YME1L1: variants seen among roughly 807,000 people sequenced by gnomAD.
YME1L1 encodes ATP-dependent zinc metalloprotease YME1L1.
In YME1L1, 39 loss-of-function variants were observed where a neutral mutation model predicts 90.4. That is an observed-to-expected ratio of 0.43 (90% CI 0.33 to 0.56). The LOEUF (loss-of-function observed/expected upper bound fraction) is 0.56, where lower values mean the gene tolerates loss of function less well. Among genes scored for constraint, YME1L1 ranks in the 20% least tolerant of loss-of-function variants. The probability of loss-of-function intolerance (pLI) is 0.03; values close to 1 mark genes in which losing one functional copy is unlikely to be tolerated. For synonymous variants in YME1L1, 284 were observed against 287.3 expected (o/e 0.99, Z 0.12); for missense variants, 617 against 868.4 (o/e 0.71, Z 3.64).
intron 8 of YME1L1, 39 bp from the exon 9 acceptor site, chr10:27,126,825 G>T (rs773563530): frequency 8.2e-7 from 1 of 1,219,536 alleles, no homozygotes; most frequent in Non-Finnish European, 1.2e-6. Context: ...TTAGATAATG[G>T]ACACGTTTGG....
intron 14 of YME1L1, 64 bp downstream of exon 14, chr10:27,119,230 C>T: frequency 6.9e-7 from 1 of 1,454,444 alleles, no homozygotes; most frequent in Non-Finnish European, 9.2e-7. Flanking sequence ...AGAGTATTTG[C>T]CCCTAAATGA....
chr10:27,151,794 T>C (rs907719941), intron 1 of YME1L1, among the ~76,000 whole-genome samples: 2 of 151,096 alleles, frequency 1.3e-5, no homozygotes, highest in Non-Finnish European at 1.5e-5. Flanking sequence ...GGCAGGAGAA[T>C]GGCGTGAACC....
intron 3 of YME1L1, among the ~76,000 whole-genome samples, chr10:27,145,219 T>C (rs2057129988): frequency 6.6e-6 from 1 of 151,218 alleles, no homozygotes; most frequent in Non-Finnish European, 1.5e-5. Flanking sequence ...CCAAAATTAG[T>C]GGAAGCAAAA....
intron 12 of YME1L1, 74 bp from the exon 13 acceptor site, chr10:27,120,621 A>C: frequency 1.6e-6 from 2 of 1,234,136 alleles, no homozygotes; most frequent in Non-Finnish European, 2.3e-6. Context: ...TGACACCCTA[A>C]TGACGTGACT....
intron 9 of YME1L1, among the ~76,000 whole-genome samples, chr10:27,125,458 GAAA>G (rs68143135): frequency 8.4e-5 from 9 of 107,694 alleles, no homozygotes; most frequent in Non-Finnish European, 1.6e-4. Flanking sequence ...TGTTTCATTT[GAAA>G]AAAAAAAAAA....
chr10:27,152,279 A>G (rs1451945219), intron 1 of YME1L1, among the ~76,000 whole-genome samples: 1 of 152,206 alleles, frequency 6.6e-6, no homozygotes, highest in African/African-American at 2.4e-5. Flanking sequence ...CTTTCACAAA[A>G]GGATTTAGAG....
At chr10:27,127,296 GTAA>G (rs2056930323) in intron 8 of YME1L1, among the ~76,000 whole-genome samples, 2 of 152,170 alleles carry the variant, frequency 1.3e-5, no homozygotes, top group African/African-American at 4.8e-5. Flanking sequence ...AATTAAAAAT[GTAA>G]TAATGTTTTA....
rs928154655 is a variant in YME1L1 at position 27,110,286 on chromosome 10, C to T, written c.*1691G>A. ...GGCAGAATGATAACAACTGGTAAAT[C>T]TGGATGCAGGGTATATGAGACATCC... On this transcript the variant is annotated 3_prime_UTR_variant, in exon 19 of 19. Transcript: ENST00000376016. The T allele has an allele frequency of 6.6e-6, 1 of 152,258 alleles. No homozygotes were observed. The highest frequency in any genetic ancestry group is 6.5e-5 in the Admixed American group (1 of 15,268). 9.4% of individuals were successfully genotyped at this position (152,258 alleles called of 1,614,324 possible). A position where few individuals can be genotyped will look rare whatever the true frequency, so the allele number is the denominator to read the frequency against.
At chr10:27,144,967 C>A (rs916720383) in intron 3 of YME1L1, among the ~76,000 whole-genome samples, 1 of 151,972 alleles carries the variant, frequency 6.6e-6, no homozygotes, top group Admixed American at 6.6e-5. Flanking sequence ...CGGTGAAACC[C>A]CATCTCTACT....
At chr10:27,150,710 T>C (rs1256548032) in intron 1 of YME1L1, among the ~76,000 whole-genome samples, 1 of 152,172 alleles carries the variant, frequency 6.6e-6, no homozygotes, top group Non-Finnish European at 1.5e-5. Context: ...AGTTACCCTA[T>C]GTGGTCTAAA....
At chr10:27,149,890 G>A (rs2057192021) in intron 1 of YME1L1, among the ~76,000 whole-genome samples, 1 of 150,650 alleles carries the variant, frequency 6.6e-6, no homozygotes, top group Non-Finnish European at 1.5e-5. Flanking sequence ...CCTGGCCAAC[G>A]TGGTGAAATC....
chr10:27,144,344 G>A (rs184063656), intron 3 of YME1L1, among the ~76,000 whole-genome samples: 134 of 152,194 alleles, frequency 8.8e-4, no homozygotes, highest in Non-Finnish European at 1.3e-3. Context: ...TCACACTTAC[G>A]GTTTTTTATG....
Position 27,116,145 on chromosome 10 carries a change from T to C in YME1L1, c.1847-12A>G, listed in dbSNP as rs763940013. On this transcript the variant is annotated splice_polypyrimidine_tract_variant and intron_variant, in intron 16 of 18. Coordinates refer to ENST00000376016, the MANE Select transcript of YME1L1 (RefSeq NM_014263.4). ...ATCACTGGAAGCACCTAAAATAAAA[T>C]AAAAACATACCATTTTAAAACATAT... is the stretch of plus-strand genomic sequence containing the variant. The C allele has an allele frequency of 5.6e-6, 9 of 1,613,618 alleles. 1 individual carries two copies. In the South Asian group the frequency reaches 8.8e-5, roughly 16 times the overall value.
chr10:27,154,284 G>A lies in YME1L1; in HGVS notation c.-74C>T. 6.6e-7 allele frequency: 1 copy of A among 1,516,642 alleles called. No individual in the cohort carries two copies. Among genetic ancestry groups the A allele is most frequent in the South Asian group, 1.2e-5 (1 of 82,264 alleles). The allele number at this position is 1,516,642 out of a possible 1,614,324, so 93.9% of individuals were successfully genotyped here. A position where few individuals can be genotyped will look rare whatever the true frequency, so the allele number is the denominator to read the frequency against. The stretch of plus-strand genomic sequence containing the variant: ...TCTGTCCACGGCCCGGCGGGGAGGC[G>A]CTGAGCCCTTCTTTTTTCCTTTTTC... On this transcript the variant is annotated 5_prime_UTR_variant, in exon 1 of 19. Transcript: ENST00000376016.
At chr10:27,123,789 T>C in intron 9 of YME1L1, 90 bp from the exon 10 acceptor site, 3 of 1,347,746 alleles carry the variant, frequency 2.2e-6, no homozygotes, top group Middle Eastern at 2.7e-4. Context: ...TTCATTTATA[T>C]AATTTTCAGG....
At chr10:27,122,314 A>C (rs1277021093) in intron 11 of YME1L1, among the ~76,000 whole-genome samples, 1 of 152,190 alleles carries the variant, frequency 6.6e-6, no homozygotes, top group Non-Finnish European at 1.5e-5. Context: ...ATTTTTGAAA[A>C]ATTACTTTCA....
intron 18 of YME1L1, among the ~76,000 whole-genome samples, chr10:27,113,450 C>G (rs560113980): frequency 1.3e-5 from 2 of 151,308 alleles, no homozygotes; most frequent in African/African-American, 2.4e-5. Flanking sequence ...GTGGGTGGAT[C>G]GCCTGAGGTC....
chr10:27,135,908 A>G (rs1344536849), intron 5 of YME1L1, among the ~76,000 whole-genome samples: 1 of 152,220 alleles, frequency 6.6e-6, no homozygotes, highest in Non-Finnish European at 1.5e-5. Flanking sequence ...ATGGCAGTGG[A>G]ACAGATGTAA....
rs765779072 is a variant in YME1L1, at chr10:27,119,385, A to G, written c.1476T>C (p.Leu492=). The G allele has an allele frequency of 1.9e-6, 3 of 1,613,704 alleles. No individual in the cohort carries two copies. In the East Asian group the frequency reaches 6.7e-5, roughly 36 times the overall value. ...CTGCTTTTAATGCAGCCTGGTTCAC[A>G]AGATTCTCCAACTCTGCTCCGGAAA... ...VGFSGAELEN[L]VNQAALKAAV... Residue 492 remains leucine, a synonymous_variant, in exon 14 of 19, where the codon CTT becomes CTC. Coordinates refer to ENST00000376016, the MANE Select transcript of YME1L1 (RefSeq NM_014263.4).
Sources: allele counts gnomAD v4.1 joint callset (sites outside exome capture counted in the v4.1 genomes callset), GRCh38; gene constraint gnomAD v4.1.1; transcripts MANE v1.5; gene names NCBI Gene and HGNC (gene_info 2026-07-23, HGNC 2026-07-21).